Variants in SLC13A1 observed in about 807,000 individuals in gnomAD.
The protein encoded by SLC13A1 is Na(+)/sulfate cotransporter.
In SLC13A1, 65 loss-of-function variants were observed where a neutral mutation model predicts 70.0. That is an observed-to-expected ratio of 0.93 (90% confidence interval 0.76 to 1.14). SLC13A1 has a LOEUF of 1.14. Ranked by LOEUF, SLC13A1 falls within the 50% of genes most tolerant of loss-of-function variation. SLC13A1 has a pLI of 0.00. For missense variants in SLC13A1, 726 were observed against 717.8 expected, an observed-to-expected ratio of 1.01 and a Z score of -0.13; for synonymous variants, 275 against 250.5, an observed-to-expected ratio of 1.10 and a Z score of -0.92.
intron 1 of SLC13A1, among the ~76,000 whole-genome samples, chr7:123,191,296 C>A (rs899449508): frequency 6.6e-6 from 1 of 152,132 alleles, no homozygotes; most frequent in African/African-American, 2.4e-5. Flanking sequence ...TCATAGCCAG[C>A]GATCAATCCA....
chr7:123,154,135 T>A (rs559172694), intron 6 of SLC13A1, among the ~76,000 whole-genome samples: 1 of 152,210 alleles, frequency 6.6e-6, no homozygotes, highest in South Asian at 2.1e-4. Context: ...GAAAGCAGAA[T>A]CCATGTCTGT....
At chr7:123,117,631 G>C (rs1482326693) in intron 13 of SLC13A1, 23 bp from the exon 14 acceptor site, 3 of 1,482,284 alleles carry the variant, frequency 2.0e-6, no homozygotes, top group Admixed American at 2.1e-5. Flanking sequence ...ATAAAAAAGA[G>C]TCTAAGTAAA....
At chr7:123,171,622 C>G (rs2116562092) in intron 3 of SLC13A1, 146 bp downstream of exon 3, 2 of 819,904 alleles carry the variant, frequency 2.4e-6, no homozygotes, top group East Asian at 5.1e-5. Flanking sequence ...CTTTATATCA[C>G]TTTCATATTT....
chr7:123,177,154 C>T (rs1795474983), intron 2 of SLC13A1, among the ~76,000 whole-genome samples: 1 of 152,138 alleles, frequency 6.6e-6, no homozygotes, highest in African/African-American at 2.4e-5. Context: ...CCATCTTCCT[C>T]CCATTTCAAT....
At chr7:123,141,204 A>G (rs2116379597) in intron 7 of SLC13A1, among the ~76,000 whole-genome samples, 1 of 152,106 alleles carries the variant, frequency 6.6e-6, no homozygotes, top group East Asian at 1.9e-4. Flanking sequence ...TAATTTTCAT[A>G]TGCTTTTATA....
At chr7:123,144,443 T>G (rs1283804115) in intron 7 of SLC13A1, among the ~76,000 whole-genome samples, 1 of 152,114 alleles carries the variant, frequency 6.6e-6, no homozygotes, top group Non-Finnish European at 1.5e-5. Context: ...AAAAAAGCAT[T>G]AAATTTTTAT....
intron 7 of SLC13A1, among the ~76,000 whole-genome samples, chr7:123,146,246 C>T (rs1013340137): frequency 5.3e-5 from 8 of 152,066 alleles, no homozygotes; most frequent in African/African-American, 9.7e-5. Flanking sequence ...ATAATGTGGC[C>T]GGGTGCAGGG....
intron 9 of SLC13A1, 74 bp downstream of exon 9, chr7:123,129,309 G>A (rs1160771774): frequency 3.3e-6 from 4 of 1,209,270 alleles, no homozygotes; most frequent in South Asian, 1.5e-5. Context: ...AGTGTAAACA[G>A]CATTTCTCTC....
chr7:123,180,277 C>T (rs944000195), intron 2 of SLC13A1, among the ~76,000 whole-genome samples: 1 of 152,088 alleles, frequency 6.6e-6, no homozygotes, highest in Admixed American at 6.6e-5. Flanking sequence ...CTCAAGAGAG[C>T]AATGTTAGAC....
intron 7 of SLC13A1, 96 bp downstream of exon 7, chr7:123,147,063 A>T: frequency 1.6e-6 from 2 of 1,239,534 alleles, no homozygotes; most frequent in South Asian, 3.0e-5. Flanking sequence ...TTAACATAAC[A>T]TCTCTGTACT....
At chr7:123,180,106 C>G (rs1177838435) in intron 2 of SLC13A1, among the ~76,000 whole-genome samples, 2 of 151,874 alleles carry the variant, frequency 1.3e-5, no homozygotes, top group Non-Finnish European at 2.9e-5. Flanking sequence ...AGGGGAAAAC[C>G]CAGTAAGAAA....
intron 1 of SLC13A1, among the ~76,000 whole-genome samples, chr7:123,183,092 C>G (rs1795690785): frequency 6.6e-6 from 1 of 152,050 alleles, no homozygotes; most frequent in South Asian, 2.1e-4. Flanking sequence ...AGTTGGTATA[C>G]CAACAAGCCC....
At chr7:123,193,995 C>T (rs1007372814) in intron 1 of SLC13A1, among the ~76,000 whole-genome samples, 3 of 152,144 alleles carry the variant, frequency 2.0e-5, no homozygotes, top group Admixed American at 6.6e-5. Context: ...TTACATCCTT[C>T]TGCCACGCTA....
intron 12 of SLC13A1, among the ~76,000 whole-genome samples, chr7:123,120,309 T>C (rs1345442892): frequency 6.6e-6 from 1 of 152,080 alleles, no homozygotes; most frequent in Non-Finnish European, 1.5e-5. Flanking sequence ...AAAACCTTTT[T>C]CTTTTCTGTT....
In SLC13A1 at chr7:123,168,392, G is replaced by A; in HGVS notation, c.642C>T (p.Ser214=). 6.3e-7 allele frequency: 1 copy of A among 1,583,522 alleles called. No homozygotes were observed. Among genetic ancestry groups the A allele is most frequent in the East Asian group, 2.3e-5 (1 of 44,412 alleles). Residue 214 remains serine, a synonymous_variant, in exon 6 of 15, where the codon AGC becomes AGT. Coordinates refer to ENST00000194130, the MANE Select transcript of SLC13A1 (RefSeq NM_022444.4). The part of the protein sequence containing the change: ...GYNNDTGKIS[S]KVELEKNSGM... ...TATGTACCTTTTCCAACTCCACCTT[G>A]CTTGAAATTTTCCCTGTATCATTAT...
intron 6 of SLC13A1, among the ~76,000 whole-genome samples, chr7:123,162,478 A>G (rs536051304): frequency 2.0e-5 from 3 of 152,206 alleles, no homozygotes; most frequent in South Asian, 2.1e-4. Flanking sequence ...AACATTCTCT[A>G]TAAACCACTG....
chr7:123,121,230 T>C (rs748221149), intron 12 of SLC13A1, among the ~76,000 whole-genome samples: 4 of 152,000 alleles, frequency 2.6e-5, no homozygotes, highest in Non-Finnish European at 5.9e-5. Context: ...GGGAAGCCCA[T>C]AGATCTTTAT....
chr7:123,197,061 T>C (rs17145531), intron 1 of SLC13A1, among the ~76,000 whole-genome samples: 2,606 of 152,294 alleles, frequency 0.017, 97 homozygotes, highest in East Asian at 0.16. Flanking sequence ...GTTGGCAGAA[T>C]GCCTGAAACA....
intron 6 of SLC13A1, chr7:123,148,537 C>T (rs1179158186): frequency 2.3e-6 from 1 of 444,026 alleles, no homozygotes; most frequent in Non-Finnish European, 4.5e-6. Context: ...ACCCATGACC[C>T]TGTAAACACC....
Sources: gnomAD v4.1 joint callset for allele counts (sites outside exome capture counted in the v4.1 genomes callset) on GRCh38, gnomAD v4.1.1 for gene constraint, MANE v1.5 for transcripts, NCBI Gene and HGNC (gene_info 2026-07-23, HGNC 2026-07-21) for gene names.